The following CEP19 variants were observed in gnomAD, a reference collection of about 807,000 sequenced individuals.
CEP19 encodes the protein centrosomal protein 19, also known as centrosomal protein of 19 kDa.
CEP19 carries 14 observed loss-of-function variants against 17.5 expected under a neutral mutation model. That is an observed-to-expected ratio of 0.80 (90% CI 0.53 to 1.25). The LOEUF (loss-of-function observed/expected upper bound fraction) is 1.25, where lower values mean the gene tolerates loss of function less well. Ranked by LOEUF, CEP19 falls within the 50% of genes most tolerant of loss-of-function variation. CEP19 has a pLI of 0.00. For missense variants in CEP19, 193 were observed against 192.0 expected, an observed-to-expected ratio of 1.01 and a Z score of -0.03; for synonymous variants, 59 against 65.5, an observed-to-expected ratio of 0.90 and a Z score of 0.48.
intron 1 of CEP19, among the ~76,000 whole-genome samples, chr3:196,709,605 T>G (rs75995487): frequency 6.6e-6 from 1 of 152,178 alleles, no homozygotes; most frequent in Non-Finnish European, 1.5e-5. Context: ...AGCTACATCA[T>G]ATACATCACA....
chr3:196,707,592 G>C lies in CEP19; in HGVS notation c.451C>G (p.Gln151Glu), dbSNP rs1419698188. 1 of 1,612,766 alleles carries C rather than the reference G, an allele frequency of 6.2e-7. No homozygotes were observed. The highest frequency in any genetic ancestry group is 8.5e-7 in the Non-Finnish European group (1 of 1,179,516). ...GACTCTGTGTCCCAGCCACAGGACTGCAGTTGATCGTCCTGTGGAAATTCA... is the reference window on the plus strand; with the variant it reads ...GACTCTGTGTCCCAGCCACAGGACTCCAGTTGATCGTCCTGTGGAAATTCA... ...EVEFPQDDQL[Q>E]SCGWDTESAD... The change falls in exon 3 of 3, where the codon CAG becomes GAG. Residue 151 changes from glutamine to glutamate, a missense_variant. Coordinates refer to ENST00000409690, the MANE Select transcript of CEP19 (RefSeq NM_032898.5).
At chr3:196,708,949 G>A in intron 1 of CEP19, 1 of 293,188 alleles carries the variant, frequency 3.4e-6, no homozygotes, top group Non-Finnish European at 6.3e-6. Context: ...TGGGGTATGT[G>A]CGCGGGAACG....
At position 196,707,855 on chromosome 3, in the gene CEP19, T is replaced by G. The variant is rs977380727; in HGVS notation, c.188A>C (p.Glu63Ala). 11 of 1,613,918 alleles carry G rather than the reference T, an allele frequency of 6.8e-6. No individual in the cohort carries two copies. Among genetic ancestry groups the G allele is most frequent in the Non-Finnish European group, 9.3e-6 (11 of 1,180,026 alleles). The change falls in exon 3 of 3, where the codon GAA becomes GCA. Residue 63 changes from glutamate to alanine, a missense_variant. Physicochemically the swap from Glu to Ala is moderately radical, Grantham distance 107. Transcript: ENST00000409690. ...KNNPRHKSYL[E>A]QVSLRQLEKL... ...CTCTAGCTGCCTCAGGGATACTTGT[T>G]CTAGGTAACTCTTGTGTCGCGGATT... is the stretch of plus-strand genomic sequence containing the variant.
intron 1 of CEP19, among the ~76,000 whole-genome samples, chr3:196,709,380 A>G (rs1711662575): frequency 6.6e-6 from 1 of 152,044 alleles, no homozygotes; most frequent in Non-Finnish European, 1.5e-5. Context: ...CTTCTAGTCA[A>G]TATGCTCCAT....
chr3:196,711,357 CCT>C (rs1288154691), intron 1 of CEP19, among the ~76,000 whole-genome samples: 5 of 151,856 alleles, frequency 3.3e-5, no homozygotes, highest in Non-Finnish European at 7.4e-5. Context: ...ACAGAGTCTC[CCT>C]CTGTCGCCTA....
Position 196,707,567 on chromosome 3 carries a change from G to A in CEP19, c.476C>T (p.Ser159Leu). 6.2e-7 allele frequency: 1 copy of A among 1,609,534 alleles called. No homozygotes were observed. Among genetic ancestry groups the A allele is most frequent in the South Asian group, 1.1e-5 (1 of 90,658 alleles). The change falls in exon 3 of 3, where the codon TCA (serine) becomes TTA (leucine). Residue 159 changes from serine (S) to leucine (L), a missense_variant. Coordinates refer to ENST00000409690, the MANE Select transcript of CEP19 (RefSeq NM_032898.5). Reference sequence around the variant, plus strand: ...TGTTTGGTATCAGAACTCATCAGCTGACTCTGTGTCCCAGCCACAGGACTG... The same window carrying A: ...TGTTTGGTATCAGAACTCATCAGCTAACTCTGTGTCCCAGCCACAGGACTG... ...QLQSCGWDTE[S>L]ADEF
chr3:196,709,142 A>G (rs1374307151), intron 1 of CEP19, among the ~76,000 whole-genome samples: 1 of 152,184 alleles, frequency 6.6e-6, no homozygotes, highest in Non-Finnish European at 1.5e-5. Context: ...AAGATCGAAT[A>G]TGAACCCCTA....
chr3:196,711,421 G>A (rs916953460), intron 1 of CEP19, among the ~76,000 whole-genome samples: 17 of 152,052 alleles, frequency 1.1e-4, no homozygotes, highest in Admixed American at 1.1e-3. Context: ...CGCCTCCTGG[G>A]TTCAAGCGAT....
intron 1 of CEP19, among the ~76,000 whole-genome samples, 178 bp downstream of exon 1, chr3:196,711,751 G>A (rs778120158): frequency 4.1e-4 from 62 of 152,156 alleles, no homozygotes; most frequent in Non-Finnish European, 7.9e-4. Flanking sequence ...TTAGGAAGAA[G>A]GACGGCACGT....
chr3:196,710,246 T>C (rs1224289691), intron 1 of CEP19, among the ~76,000 whole-genome samples: 1 of 152,170 alleles, frequency 6.6e-6, no homozygotes, highest in Non-Finnish European at 1.5e-5. Flanking sequence ...TTTTTACTCT[T>C]AGAAAATTAA....
In CEP19 at chr3:196,712,058, T is replaced by C; in HGVS notation, c.-200A>G. ...TGTGAGACCGGGCGGAGCCTGGCGCTGCAGGAAGAGGCGACAGCCACAGCC... is the reference window on the plus strand; with the variant it reads ...TGTGAGACCGGGCGGAGCCTGGCGCCGCAGGAAGAGGCGACAGCCACAGCC... On this transcript the variant is annotated 5_prime_UTR_variant, in exon 1 of 3. Transcript: ENST00000409690. 2 of 709,416 alleles carry C rather than the reference T, an allele frequency of 2.8e-6. No individual in the cohort carries two copies. The allele number at this position is 709,416 out of a possible 1,614,324, so 43.9% of individuals were successfully genotyped here.
At chr3:196,711,401 C>T (rs1377015833) in intron 1 of CEP19, among the ~76,000 whole-genome samples, 1 of 152,116 alleles carries the variant, frequency 6.6e-6, no homozygotes, top group Non-Finnish European at 1.5e-5. Context: ...TCTCCCCTCG[C>T]TGCAACCTCC....
chr3:196,711,607 CG>C (rs1356567907), intron 1 of CEP19, among the ~76,000 whole-genome samples: 2 of 152,148 alleles, frequency 1.3e-5, no homozygotes, highest in African/African-American at 4.8e-5. Flanking sequence ...GCCACCTGCC[CG>C]GCTATTTTCA....
At chr3:196,710,477 G>A (rs148573379) in intron 1 of CEP19, among the ~76,000 whole-genome samples, 1,861 of 152,122 alleles carry the variant, frequency 0.012, 17 homozygotes, top group Middle Eastern at 0.068. Flanking sequence ...CCTGGGAGGC[G>A]GAGGTTGCAG....
Position 196,712,101 on chromosome 3 carries a change from G to A in CEP19, c.-243C>T, listed in dbSNP as rs1711825994. ...CCACAGCCCTACTGACGAGCCCGAG[G>A]GGTGAACTCCCCGGCGGGAGGCCCG... On this transcript the variant is annotated 5_prime_UTR_variant, in exon 1 of 3. Coordinates refer to ENST00000409690, the MANE Select transcript of CEP19 (RefSeq NM_032898.5). 6.2e-6 allele frequency: 4 copies of A among 640,246 alleles called. No individual in the cohort carries two copies. The highest frequency in any genetic ancestry group is 4.0e-4 in the Middle Eastern group (1 of 2,496). The allele number at this position is 640,246 out of a possible 1,614,324, so 39.7% of individuals were successfully genotyped here.
Position 196,712,199 on chromosome 3 carries a change from C to T in CEP19, c.-341G>A. The T allele has an allele frequency of 1.8e-6, 1 of 552,300 alleles. No individual in the cohort carries two copies. The highest frequency in any genetic ancestry group is 3.2e-6 in the Non-Finnish European group (1 of 308,104). 34.2% of individuals were successfully genotyped at this position (552,300 alleles called of 1,614,324 possible). A position where few individuals can be genotyped will look rare whatever the true frequency, so the allele number is the denominator to read the frequency against. On this transcript the variant is annotated 5_prime_UTR_variant, in exon 1 of 3. Transcript: ENST00000409690. ...GTCCACCGGCTCCCACCTCGGCGTA[C>T]AGGGATTCCAGGTCCCGGCGAGCGC... is the stretch of plus-strand genomic sequence containing the variant.
chr3:196,709,246 GT>G (rs1711659087), intron 1 of CEP19, among the ~76,000 whole-genome samples: 1 of 152,138 alleles, frequency 6.6e-6, no homozygotes, highest in South Asian at 2.1e-4. Flanking sequence ...CTATGATAAG[GT>G]AAGTTTTTTA....
rs757219111 is a variant in CEP19 at position 196,711,973 on chromosome 3, A to G, written c.-115T>C. The G allele has an allele frequency of 7.5e-5, 54 of 717,336 alleles. 2 individuals are homozygous for G. In the South Asian group the frequency reaches 7.7e-4, roughly 10 times the overall value. 44.4% of individuals were successfully genotyped at this position (717,336 alleles called of 1,614,324 possible). A position where few individuals can be genotyped will look rare whatever the true frequency, so the allele number is the denominator to read the frequency against. ...TGACATCGTCTGCAGGCCAACGTCT[A>G]AACAACCAGGAGTGGGTTTTTCCAC... On this transcript the variant is annotated 5_prime_UTR_variant, in exon 1 of 3. Transcript: ENST00000409690.
chr3:196,711,370 G>A (rs1330986004), intron 1 of CEP19, among the ~76,000 whole-genome samples: 2 of 151,502 alleles, frequency 1.3e-5, no homozygotes, highest in Non-Finnish European at 2.9e-5. Flanking sequence ...CTGTCGCCTA[G>A]GCTGCAGTGC....
Sources: gnomAD v4.1 joint callset for allele counts (sites outside exome capture counted in the v4.1 genomes callset) on GRCh38, gnomAD v4.1.1 for gene constraint, MANE v1.5 for transcripts, NCBI Gene and HGNC (gene_info 2026-07-23, HGNC 2026-07-21) for gene names.